RPL37: variants seen among roughly 807,000 people sequenced by gnomAD.
RPL37 encodes ribosomal protein L37.
In RPL37, 1 loss-of-function variant was observed where a neutral mutation model predicts 14.8. That is an observed-to-expected ratio of 0.07 (90% CI 0.02 to 0.32). The LOEUF is 0.32. Among genes scored for constraint, RPL37 ranks in the 10% least tolerant of loss-of-function variants. The pLI is 1.00. For missense variants in RPL37, 100 were observed against 128.3 expected (o/e 0.78, Z 1.06); for synonymous variants, 53 against 45.8 (o/e 1.16, Z -0.63).
chr5:40,829,705 T>C lies in RPL37; in HGVS notation c.*2799A>G, dbSNP rs1352166703. 1 of 150,628 alleles carries C rather than the reference T, an allele frequency of 6.6e-6. No individual in the cohort carries two copies. The highest frequency in any genetic ancestry group is 2.4e-5 in the African/African-American group (1 of 40,960). 9.3% of individuals were successfully genotyped at this position (150,628 alleles called of 1,614,324 possible). A position where few individuals can be genotyped will look rare whatever the true frequency, so the allele number is the denominator to read the frequency against. On this transcript the variant is annotated 3_prime_UTR_variant, in exon 4 of 4. Transcript: ENST00000274242. The stretch of plus-strand genomic sequence containing the variant: ...TATATATATATATATATATCAACAA[T>C]ATATAATTGTGTCTCAATTAGAGGT...
In RPL37 at chr5:40,827,025, CCT is replaced by C. The variant is rs1006903410; in HGVS notation, c.*5477_*5478del. 2 of 152,238 alleles carry C rather than the reference CCT, an allele frequency of 1.3e-5. No homozygotes were observed. Among genetic ancestry groups the C allele is most frequent in the African/African-American group, 4.8e-5 (2 of 41,432 alleles). 9.4% of individuals were successfully genotyped at this position (152,238 alleles called of 1,614,324 possible). A position where few individuals can be genotyped will look rare whatever the true frequency, so the allele number is the denominator to read the frequency against. Reference sequence around the variant, plus strand: ...AACTCTTGGGCTCAAGCCAATGGCACCTCTGAGCCTCCCAAAGTGCTGGGATG... The same window carrying C: ...AACTCTTGGGCTCAAGCCAATGGCACCTGAGCCTCCCAAAGTGCTGGGATG... On this transcript the variant is annotated 3_prime_UTR_variant, in exon 4 of 4. Coordinates refer to ENST00000274242, the MANE Select transcript of RPL37 (RefSeq NM_000997.5).
Position 40,830,717 on chromosome 5 carries a change from G to C in RPL37, c.*1787C>G, listed in dbSNP as rs984481948. The C allele has an allele frequency of 6.6e-6, 1 of 151,380 alleles. No individual in the cohort carries two copies. The allele number at this position is 151,380 out of a possible 1,614,324, so 9.4% of individuals were successfully genotyped here. A position where few individuals can be genotyped will look rare whatever the true frequency, so the allele number is the denominator to read the frequency against. On this transcript the variant is annotated 3_prime_UTR_variant, in exon 4 of 4. Transcript: ENST00000274242. ...TCACCATGTGGGCCAGGGTGATCTC[G>C]ATCTCTTGACCTTGTGATCCGCCCA... is the stretch of plus-strand genomic sequence containing the variant.
rs948299733 is a variant in RPL37 at position 40,829,132 on chromosome 5, T to C, written c.*3372A>G. 2 of 152,252 alleles carry C rather than the reference T, an allele frequency of 1.3e-5. No homozygotes were observed. Among genetic ancestry groups the C allele is most frequent in the African/African-American group, 4.8e-5 (2 of 41,474 alleles). 9.4% of individuals were successfully genotyped at this position (152,252 alleles called of 1,614,324 possible). ...CTTAAATTATACAGAAATGGGAAGC[T>C]TGGAAGTTAGCTACTCACTTGCACA... On this transcript the variant is annotated 3_prime_UTR_variant, in exon 4 of 4. Coordinates refer to ENST00000274242, the MANE Select transcript of RPL37 (RefSeq NM_000997.5).
At chr5:40,833,839 T>C (rs1313659730) in intron 3 of RPL37, 1 of 209,712 alleles carries the variant, frequency 4.8e-6, no homozygotes, top group Non-Finnish European at 9.6e-6. Flanking sequence ...GCCCAGGAGT[T>C]CCGAGATTAT....
At chr5:40,834,102 C>G in intron 3 of RPL37, 79 bp downstream of exon 3, 1 of 989,752 alleles carries the variant, frequency 1.0e-6, no homozygotes, top group Non-Finnish European at 1.6e-6. Context: ...CATCAGGGTA[C>G]TGTTATCTTT....
Position 40,830,250 on chromosome 5 carries a change from T to A in RPL37, c.*2254A>T, listed in dbSNP as rs1354668838. On this transcript the variant is annotated 3_prime_UTR_variant, in exon 4 of 4. Coordinates refer to ENST00000274242, the MANE Select transcript of RPL37 (RefSeq NM_000997.5). ...ATAATTTCTGCTGAAAAATTTAAAG[T>A]ATAATGGGTATCTATACATAACTAT... is the stretch of plus-strand genomic sequence containing the variant. 6.6e-6 allele frequency: 1 copy of A among 152,076 alleles called. No individual in the cohort carries two copies. Among genetic ancestry groups the A allele is most frequent in the African/African-American group, 2.4e-5 (1 of 41,388 alleles). 9.4% of individuals were successfully genotyped at this position (152,076 alleles called of 1,614,324 possible). A position where few individuals can be genotyped will look rare whatever the true frequency, so the allele number is the denominator to read the frequency against.
At position 40,832,585 on chromosome 5, in the gene RPL37, CA is replaced by C; in HGVS notation, c.225-13del. ...CACGGAATCCATGCCTGCAGGATGT[CA>C]AAAACAAGAACAAGTTACTTCAGCA... On this transcript the variant is annotated splice_polypyrimidine_tract_variant and intron_variant, in intron 3 of 3. Coordinates refer to ENST00000274242, the MANE Select transcript of RPL37 (RefSeq NM_000997.5). The C allele has an allele frequency of 6.2e-7, 1 of 1,612,306 alleles. No individual in the cohort carries two copies. The highest frequency in any genetic ancestry group is 8.5e-7 in the Non-Finnish European group (1 of 1,178,382).
chr5:40,834,190 C>A lies in RPL37; in HGVS notation c.215G>T (p.Arg72Leu). Residue 72 changes from arginine (R) to leucine (L), a missense_variant, in exon 3 of 4, where the codon CGC becomes CTC. By Grantham distance (102) the Arg-to-Leu change is moderately radical. This residue lies in a region of RPL37 where 74 missense variants were observed against 69.9 expected (regional missense o/e 1.06). Transcript: ENST00000274242. ...GRMRHLKIVY[R>L]RFRHGFREGT... The stretch of plus-strand genomic sequence containing the variant: ...AACATACAAACTGTACCTGAATCTG[C>A]GGTATACAATTTTTAGGTGCCTCAT... 6.2e-7 allele frequency: 1 copy of A among 1,611,750 alleles called. No homozygotes were observed. Among genetic ancestry groups the A allele is most frequent in the East Asian group, 2.2e-5 (1 of 44,872 alleles).
intron 3 of RPL37, among the ~76,000 whole-genome samples, chr5:40,833,006 TGTATCTACTCTAAGAA>T (rs1014707119): frequency 2.5e-4 from 38 of 152,376 alleles, no homozygotes; most frequent in Non-Finnish European, 2.9e-4. Context: ...ATTTAACATC[TGTATCTACTCTAAGAA>T]GTATCTACTC....
chr5:40,833,709 A>ACAATG (rs1745692545), intron 3 of RPL37, among the ~76,000 whole-genome samples: 1 of 150,310 alleles, frequency 6.7e-6, no homozygotes, highest in Non-Finnish European at 1.5e-5. Flanking sequence ...CCTAGTTCAA[A>ACAATG]CAATGCTCCT....
rs1014399765 is a variant in RPL37, at chr5:40,826,925, A to G, written c.*5579T>C. Reference sequence around the variant, plus strand: ...CCTGAGTAGCTGGGACTACAGGCACATACCACCATGCCTGGCTAATTTTTT... The same window carrying G: ...CCTGAGTAGCTGGGACTACAGGCACGTACCACCATGCCTGGCTAATTTTTT... On this transcript the variant is annotated 3_prime_UTR_variant, in exon 4 of 4. Coordinates refer to ENST00000274242, the MANE Select transcript of RPL37 (RefSeq NM_000997.5). The G allele has an allele frequency of 6.6e-6, 1 of 152,272 alleles. No homozygotes were observed. The highest frequency in any genetic ancestry group is 2.1e-4 in the South Asian group (1 of 4,828). The allele number at this position is 152,272 out of a possible 1,614,324, so 9.4% of individuals were successfully genotyped here. A position where few individuals can be genotyped will look rare whatever the true frequency, so the allele number is the denominator to read the frequency against.
At position 40,834,575 on chromosome 5, in the gene RPL37, C is replaced by T. The variant is rs755516298; in HGVS notation, c.35G>A (p.Arg12His). 5.6e-6 allele frequency: 9 copies of T among 1,613,482 alleles called. No individual in the cohort carries two copies. The East Asian group carries it at 6.7e-5, about 12-fold the overall frequency. Reference sequence around the variant, plus strand: ...GCGGCACAACGTGTGCGTCTTATTGCGACGCTTTCCAAACGATGACGTTCC... The same window carrying T: ...GCGGCACAACGTGTGCGTCTTATTGTGACGCTTTCCAAACGATGACGTTCC... ...TKGTSSFGKRRNKTHTLCRRC... is the reference protein window; with the variant it reads ...TKGTSSFGKRHNKTHTLCRRC... The change falls in exon 2 of 4, where the codon CGC becomes CAC. Residue 12 changes from arginine to histidine, a missense_variant. Transcript: ENST00000274242.
chr5:40,832,448 C>T lies in RPL37; in HGVS notation c.*56G>A, dbSNP rs947033076. 1.0e-5 allele frequency: 15 copies of T among 1,450,148 alleles called. No homozygotes were observed. Among genetic ancestry groups the T allele is most frequent in the Non-Finnish European group, 1.5e-5 (15 of 1,032,480 alleles). The allele number at this position is 1,450,148 out of a possible 1,614,324, so 89.8% of individuals were successfully genotyped here. A position where few individuals can be genotyped will look rare whatever the true frequency, so the allele number is the denominator to read the frequency against. ...TTGATTAAAAATACCTTACCAAAAC[C>T]AGATATGTATTTTTTAAAACCAGAA... On this transcript the variant is annotated 3_prime_UTR_variant, in exon 4 of 4. Transcript: ENST00000274242.
At position 40,833,023 on chromosome 5, in the gene RPL37, G is replaced by A. The variant is rs1199409966; in HGVS notation, c.225-450C>T. 2.6e-5 allele frequency among the ~76,000 whole-genome samples: 4 copies of A among 152,236 alleles called. No homozygotes were observed. The East Asian group carries it at 7.7e-4, about 29-fold the overall frequency. On this transcript the variant is annotated intron_variant, in intron 3 of 3. Coordinates refer to ENST00000274242, the MANE Select transcript of RPL37 (RefSeq NM_000997.5). ...TTAACATCTGTATCTACTCTAAGAA[G>A]TATCTACTCTAAGAAAGGTCAACTA... is the stretch of plus-strand genomic sequence containing the variant.
rs1745664221 is a variant in RPL37 at position 40,832,509 on chromosome 5, A to G, written c.289T>C (p.Ser97Pro). 6.2e-7 allele frequency: 1 copy of G among 1,612,968 alleles called. No individual in the cohort carries two copies. Among genetic ancestry groups the G allele is most frequent in the Non-Finnish European group, 8.5e-7 (1 of 1,179,336 alleles). ...ATGACTAATCGTTGACATTCTTAAG[A>G]TGAACTGGATGCTGCAACAGCTGCC... ...KRAAVAASSS[S>P] is the part of the protein sequence containing the mutation. Residue 97 changes from serine (S) to proline (P), a missense_variant, in exon 4 of 4, where the codon TCT becomes CCT. Ser to Pro is a moderately conservative substitution (Grantham distance 74, BLOSUM62 -1). This residue lies in a region of RPL37 where 74 missense variants were observed against 69.9 expected (regional missense o/e 1.06). Coordinates refer to ENST00000274242, the MANE Select transcript of RPL37 (RefSeq NM_000997.5).
In RPL37 at chr5:40,835,178, C is replaced by A; in HGVS notation, c.3+5G>T. 1 of 1,614,162 alleles carries A rather than the reference C, an allele frequency of 6.2e-7. No individual in the cohort carries two copies. The highest frequency in any genetic ancestry group is 8.5e-7 in the Non-Finnish European group (1 of 1,180,038). ...CGATTCACAAACACCACAGTCACAA[C>A]TCACCATCTCGCTTCTGCGGCCGAG... On this transcript the variant is annotated splice_donor_5th_base_variant and intron_variant, in intron 1 of 3. Transcript: ENST00000274242.
rs1435712518 is a variant in RPL37 at position 40,830,663 on chromosome 5, A to G, written c.*1841T>C. 1 of 151,712 alleles carries G rather than the reference A, an allele frequency of 6.6e-6. No homozygotes were observed. The highest frequency in any genetic ancestry group is 1.5e-5 in the Non-Finnish European group (1 of 68,032). 9.4% of individuals were successfully genotyped at this position (151,712 alleles called of 1,614,324 possible). On this transcript the variant is annotated 3_prime_UTR_variant, in exon 4 of 4. Coordinates refer to ENST00000274242, the MANE Select transcript of RPL37 (RefSeq NM_000997.5). ...AGGCACATGCCACCACACCCAGCTA[A>G]TTTTTGTATTTTTAGTAGAGTTGGG...
In RPL37 at chr5:40,829,549, T is replaced by C. The variant is rs1442470350; in HGVS notation, c.*2955A>G. ...AAGCCACTTACCTTCTCTCTCATCA[T>C]GATTCCTTCAAGTCCTCCCTGGCTC... On this transcript the variant is annotated 3_prime_UTR_variant, in exon 4 of 4. Coordinates refer to ENST00000274242, the MANE Select transcript of RPL37 (RefSeq NM_000997.5). 1 of 152,182 alleles carries C rather than the reference T, an allele frequency of 6.6e-6. No homozygotes were observed. Among genetic ancestry groups the C allele is most frequent in the Non-Finnish European group, 1.5e-5 (1 of 68,050 alleles). The allele number at this position is 152,182 out of a possible 1,614,324, so 9.4% of individuals were successfully genotyped here.
chr5:40,832,734 C>T (rs1561208382), intron 3 of RPL37, 161 bp from the exon 4 acceptor site: 1 of 755,682 alleles, frequency 1.3e-6, no homozygotes, highest in Non-Finnish European at 2.5e-6. Context: ...CACTGATAAG[C>T]TGAAATTCTT....
Sources: allele counts gnomAD v4.1 joint callset (sites outside exome capture counted in the v4.1 genomes callset), GRCh38; gene constraint gnomAD v4.1.1; regional missense constraint gnomAD v4.1.1; transcripts MANE v1.5; gene names NCBI Gene and HGNC (gene_info 2026-07-23, HGNC 2026-07-21).